EXOC4: variants seen among roughly 807,000 people sequenced by gnomAD.
EXOC4 encodes the protein exocyst complex component 4, also known as SEC8-like 1.
A neutral mutation model predicts 107.2 loss-of-function variants in EXOC4; 71 were observed. The ratio of observed to expected loss-of-function variants is 0.66; its 90% confidence interval spans 0.55 to 0.81. The LOEUF (loss-of-function observed/expected upper bound fraction) is 0.81. Among genes scored for constraint, EXOC4 ranks in the 30% least tolerant of loss-of-function variants. The pLI, the probability that EXOC4 is intolerant of heterozygous loss-of-function variation, is 0.00. For missense variants in EXOC4, 1,108 were observed against 1,189.6 expected, an observed-to-expected ratio of 0.93 and a Z score of 1.01; for synonymous variants, 456 against 441.2, an observed-to-expected ratio of 1.03 and a Z score of -0.42.
At chr7:133,699,184 T>G (rs759445250) in intron 10 of EXOC4, among the ~76,000 whole-genome samples, 1 of 152,224 alleles carries the variant, frequency 6.6e-6, no homozygotes, top group Non-Finnish European at 1.5e-5. Flanking sequence ...CTGTTTGGAA[T>G]TCTCTTTCCC....
intron 9 of EXOC4, among the ~76,000 whole-genome samples, chr7:133,578,551 T>C (rs572868925): frequency 6.6e-6 from 1 of 152,324 alleles, no homozygotes; most frequent in South Asian, 2.1e-4. Context: ...TTTTGAAAGC[T>C]CCTTGTATTA....
intron 9 of EXOC4, among the ~76,000 whole-genome samples, chr7:133,592,330 T>A (rs1169564879): frequency 1.3e-5 from 2 of 152,122 alleles, no homozygotes; most frequent in Non-Finnish European, 2.9e-5. Context: ...CCTCCCACAA[T>A]ATGGAAAACA....
At chr7:134,040,818 A>T (rs963745685) in intron 17 of EXOC4, among the ~76,000 whole-genome samples, 5 of 152,232 alleles carry the variant, frequency 3.3e-5, no homozygotes, top group Admixed American at 6.5e-5. Context: ...CTTCTAAAGG[A>T]TAGTCAATCA....
chr7:133,477,693 A>G (rs540463066), intron 8 of EXOC4, among the ~76,000 whole-genome samples: 2 of 152,356 alleles, frequency 1.3e-5, no homozygotes, highest in African/African-American at 2.4e-5. Context: ...TGGATCATTC[A>G]GTGATACTAT....
chr7:133,652,145 C>T (rs1396762860), intron 10 of EXOC4, among the ~76,000 whole-genome samples: 1 of 152,138 alleles, frequency 6.6e-6, no homozygotes, highest in African/African-American at 2.4e-5. Flanking sequence ...AAATATTTTC[C>T]ATGTAGATGA....
chr7:133,406,783 A>G (rs981697868), intron 7 of EXOC4, among the ~76,000 whole-genome samples: 1 of 152,234 alleles, frequency 6.6e-6, no homozygotes, highest in African/African-American at 2.4e-5. Flanking sequence ...AGTTGATAAA[A>G]ATGAATGTAA....
At chr7:133,641,327 T>C (rs1340979314) in intron 10 of EXOC4, among the ~76,000 whole-genome samples, 1 of 152,100 alleles carries the variant, frequency 6.6e-6, no homozygotes, top group African/African-American at 2.4e-5. Flanking sequence ...ATAAGGCAAA[T>C]TGGATGGATA....
chr7:133,895,595 C>A lies in EXOC4; in HGVS notation c.1735-4C>A. On this transcript the variant is annotated splice_polypyrimidine_tract_variant and splice_region_variant and intron_variant, in intron 11 of 17. Coordinates refer to ENST00000253861, the MANE Select transcript of EXOC4 (RefSeq NM_021807.4). ...CATATCCTCTCTTTGTTGTTCATTT[C>A]CAGAGCACAATCATTGTGGAGAAGA... 1 of 1,613,494 alleles carries A rather than the reference C, an allele frequency of 6.2e-7. No homozygotes were observed.
intron 9 of EXOC4, among the ~76,000 whole-genome samples, chr7:133,592,683 A>G (rs995461560): frequency 1.3e-5 from 2 of 151,878 alleles, no homozygotes; most frequent in East Asian, 1.9e-4. Context: ...GCTCACTGCA[A>G]CCTCCGACTC....
intron 17 of EXOC4, among the ~76,000 whole-genome samples, chr7:134,023,601 A>G (rs1276081235): frequency 2.6e-5 from 4 of 152,172 alleles, no homozygotes. Context: ...CTGAAGGATT[A>G]AGTAACCCGG....
intron 11 of EXOC4, among the ~76,000 whole-genome samples, chr7:133,871,520 C>A (rs1200949161): frequency 1.3e-5 from 2 of 152,174 alleles, no homozygotes; most frequent in Non-Finnish European, 2.9e-5. Flanking sequence ...TTTCCCCCCA[C>A]AGCCTTATGA....
chr7:133,404,325 G>A (rs188439942), intron 7 of EXOC4, among the ~76,000 whole-genome samples: 3 of 151,942 alleles, frequency 2.0e-5, no homozygotes, highest in African/African-American at 7.2e-5. Context: ...GGATGGTCTC[G>A]ATCTCCTGAC....
At chr7:133,484,178 G>T (rs1799221920) in intron 9 of EXOC4, 1 of 1,567,930 alleles carries the variant, frequency 6.4e-7, no homozygotes. Context: ...ACACCCAAGA[G>T]GATAAAAGGA....
chr7:133,965,509 G>A (rs1415750676), intron 14 of EXOC4, among the ~76,000 whole-genome samples: 3 of 152,182 alleles, frequency 2.0e-5, no homozygotes, highest in Non-Finnish European at 2.9e-5. Context: ...TTTTGTATAA[G>A]GTGTAAGGAA....
chr7:133,861,192 G>A (rs1318583190), intron 11 of EXOC4, among the ~76,000 whole-genome samples: 1 of 152,122 alleles, frequency 6.6e-6, no homozygotes, highest in Non-Finnish European at 1.5e-5. Context: ...GAACCCCAAA[G>A]GGTTTTCAGG....
chr7:133,294,989 G>A (rs1584786623), intron 3 of EXOC4, among the ~76,000 whole-genome samples: 1 of 152,056 alleles, frequency 6.6e-6, no homozygotes, highest in African/African-American at 2.4e-5. Context: ...AAGGGTTGTC[G>A]AATGGATTAA....
In EXOC4 at chr7:133,658,729, G is replaced by A. The variant is rs147364145; in HGVS notation, c.1514+28588G>A. ...GTGATCAACTGAAGAGGTTTCCTAG[G>A]AAGGTAGAAATCAAATGAGATCTTG... On this transcript the variant is annotated intron_variant, in intron 10 of 17. Transcript: ENST00000253861. Among the ~76,000 whole-genome samples, 78 of 152,270 alleles carry A rather than the reference G, an allele frequency of 5.1e-4. 1 individual carries two copies. The East Asian group carries it at 0.014, about 28-fold the overall frequency.
intron 10 of EXOC4, among the ~76,000 whole-genome samples, chr7:133,666,287 G>A (rs942989376): frequency 3.9e-5 from 6 of 152,116 alleles, no homozygotes; most frequent in Non-Finnish European, 7.4e-5. Context: ...TATGTTACAG[G>A]AAGTAGTGAC....
At chr7:134,045,742 A>C (rs1408840815) in intron 17 of EXOC4, among the ~76,000 whole-genome samples, 1 of 152,064 alleles carries the variant, frequency 6.6e-6, no homozygotes, top group African/African-American at 2.4e-5. Context: ...ATCACCCCGA[A>C]AGGAAACCCC....
Sources: gnomAD v4.1 joint callset for allele counts (sites outside exome capture counted in the v4.1 genomes callset) on GRCh38, gnomAD v4.1.1 for gene constraint, MANE v1.5 for transcripts, NCBI Gene and HGNC (gene_info 2026-07-23, HGNC 2026-07-21) for gene names.